Variants in ARHGAP24 observed in about 807,000 individuals in gnomAD.
The protein encoded by ARHGAP24 is rho GTPase-activating protein 24.
Under a neutral mutation model 76.4 loss-of-function variants are expected in ARHGAP24, and 50 were observed. That is an observed-to-expected ratio of 0.65 (90% confidence interval 0.52 to 0.83). ARHGAP24 has a LOEUF of 0.83. Among genes scored for constraint, ARHGAP24 ranks in the 40% least tolerant of loss-of-function variants. The pLI, the probability that ARHGAP24 is intolerant of heterozygous loss-of-function variation, is 0.00. For synonymous variants in ARHGAP24, 345 were observed against 323.3 expected (o/e 1.07, Z -0.72); for missense variants, 930 against 914.2 (o/e 1.02, Z -0.22).
chr4:85,974,151 C>T (rs937943631), intron 6 of ARHGAP24, among the ~76,000 whole-genome samples: 4 of 151,888 alleles, frequency 2.6e-5, no homozygotes, highest in Admixed American at 1.3e-4. Flanking sequence ...CCAATGCACC[C>T]GGCCTAACTG....
intron 3 of ARHGAP24, among the ~76,000 whole-genome samples, chr4:85,859,604 C>G (rs573764090): frequency 6.6e-6 from 1 of 152,192 alleles, no homozygotes; most frequent in South Asian, 2.1e-4. Context: ...ATATTTAGGT[C>G]TGAGTATCTC....
intron 3 of ARHGAP24, among the ~76,000 whole-genome samples, chr4:85,832,068 G>A (rs867339880): frequency 6.6e-6 from 1 of 152,164 alleles, no homozygotes; most frequent in East Asian, 1.9e-4. Flanking sequence ...AAGAAGAGAG[G>A]GGCAGGCCAC....
chr4:85,741,171 T>C (rs1725809362), intron 3 of ARHGAP24, among the ~76,000 whole-genome samples: 1 of 152,158 alleles, frequency 6.6e-6, no homozygotes, highest in African/African-American at 2.4e-5. Flanking sequence ...CAGGAGGTTT[T>C]CCTTCCTTCG....
chr4:85,587,988 G>A (rs1418559740), intron 2 of ARHGAP24, among the ~76,000 whole-genome samples: 1 of 152,106 alleles, frequency 6.6e-6, no homozygotes, highest in Non-Finnish European at 1.5e-5. Flanking sequence ...AGGAAGGGAA[G>A]GTCACATTTA....
intron 3 of ARHGAP24, among the ~76,000 whole-genome samples, chr4:85,734,568 G>C (rs910896108): frequency 6.6e-6 from 1 of 151,442 alleles, no homozygotes; most frequent in Non-Finnish European, 1.5e-5. Context: ...CAGGAGCAAG[G>C]GGTGTCAAGG....
At chr4:85,767,639 C>G (rs930309120) in intron 3 of ARHGAP24, among the ~76,000 whole-genome samples, 2 of 121,342 alleles carry the variant, frequency 1.6e-5, no homozygotes, top group African/African-American at 6.3e-5. Context: ...ATAGATTACC[C>G]CAAAGGGGCA....
intron 9 of ARHGAP24, among the ~76,000 whole-genome samples, chr4:85,997,371 TATA>T (rs56998990): frequency 2.7e-4 from 40 of 147,640 alleles, no homozygotes; most frequent in Middle Eastern, 3.4e-3. Flanking sequence ...AGATGATAGA[TATA>T]GATAGATAGA....
At chr4:85,822,969 A>G (rs1239798338) in intron 3 of ARHGAP24, among the ~76,000 whole-genome samples, 3 of 152,354 alleles carry the variant, frequency 2.0e-5, no homozygotes, top group Middle Eastern at 6.8e-3. Context: ...AGTAATGGTA[A>G]TAACATGTCT....
intron 1 of ARHGAP24, among the ~76,000 whole-genome samples, chr4:85,531,611 C>T (rs1017013401): frequency 1.3e-5 from 2 of 152,076 alleles, no homozygotes; most frequent in African/African-American, 4.8e-5. Flanking sequence ...ACTGGTATTT[C>T]AGTGATCTGT....
At chr4:85,552,737 G>A (rs1726191655) in intron 1 of ARHGAP24, among the ~76,000 whole-genome samples, 1 of 152,100 alleles carries the variant, frequency 6.6e-6, no homozygotes, top group South Asian at 2.1e-4. Flanking sequence ...GGATAGTCAG[G>A]TATTATTGAA....
At chr4:85,560,027 G>T (rs982050625) in intron 1 of ARHGAP24, among the ~76,000 whole-genome samples, 1 of 152,114 alleles carries the variant, frequency 6.6e-6, no homozygotes, top group African/African-American at 2.4e-5. Context: ...ACTGGATTGA[G>T]ATGGCATCTG....
chr4:85,894,989 CAAAACAAAAAGCAA>C (rs1734079344), intron 3 of ARHGAP24, among the ~76,000 whole-genome samples: 1 of 17,218 alleles, frequency 5.8e-5, no homozygotes, highest in Admixed American at 7.0e-4. Context: ...AAAAAAAAAA[CAAAACAAAAAGCAA>C]AAAAAAAAAA....
At chr4:85,628,256 G>A (rs945185722) in intron 2 of ARHGAP24, among the ~76,000 whole-genome samples, 2 of 152,078 alleles carry the variant, frequency 1.3e-5, no homozygotes, top group Admixed American at 6.6e-5. Context: ...TGATTGTTCA[G>A]GAGCATGTTG....
At chr4:85,484,927 T>C (rs1008449187) in intron 1 of ARHGAP24, among the ~76,000 whole-genome samples, 1 of 152,134 alleles carries the variant, frequency 6.6e-6, no homozygotes, top group Non-Finnish European at 1.5e-5. Context: ...TACTGTTGTA[T>C]TTGGTTTATG....
intron 1 of ARHGAP24, among the ~76,000 whole-genome samples, chr4:85,489,665 T>C (rs1723281704): frequency 6.6e-6 from 1 of 152,148 alleles, no homozygotes; most frequent in Non-Finnish European, 1.5e-5. Flanking sequence ...TAGGATGTGG[T>C]CTCAGAAACA....
intron 1 of ARHGAP24, among the ~76,000 whole-genome samples, chr4:85,529,194 CAGAA>C (rs1424562109): frequency 2.0e-5 from 3 of 152,002 alleles, no homozygotes; most frequent in South Asian, 2.1e-4. Context: ...AATTTCTTCC[CAGAA>C]AGAGTCTATG....
At chr4:85,650,702 C>G (rs567341683) in intron 2 of ARHGAP24, among the ~76,000 whole-genome samples, 1 of 149,332 alleles carries the variant, frequency 6.7e-6, no homozygotes, top group Admixed American at 6.6e-5. Context: ...TCCCTATACT[C>G]TATATATTTA....
intron 2 of ARHGAP24, among the ~76,000 whole-genome samples, chr4:85,681,990 G>A (rs1267068735): frequency 6.6e-6 from 1 of 152,004 alleles, no homozygotes; most frequent in Non-Finnish European, 1.5e-5. Flanking sequence ...TTTTACAGAT[G>A]AAGAAACAGG....
At position 85,728,837 on chromosome 4, in the gene ARHGAP24, T is replaced by C. The variant is rs138443294; in HGVS notation, c.268+6865T>C. ...AAAAGTTTACCATACATGTCTGCAT[T>C]TGTGACTCCTTCTGGGTTGAATAAA... is the stretch of plus-strand genomic sequence containing the variant. On this transcript the variant is annotated intron_variant, in intron 3 of 9. Coordinates refer to ENST00000395184, the MANE Select transcript of ARHGAP24 (RefSeq NM_001025616.3). Among the ~76,000 whole-genome samples, 378 of 152,344 alleles carry C rather than the reference T, an allele frequency of 2.5e-3. 2 individuals carry two copies. The highest frequency in any genetic ancestry group is 8.7e-3 in the African/African-American group (362 of 41,588).
Sources: gnomAD v4.1 joint callset for allele counts (sites outside exome capture counted in the v4.1 genomes callset) on GRCh38, gnomAD v4.1.1 for gene constraint, MANE v1.5 for transcripts, NCBI Gene and HGNC (gene_info 2026-07-23, HGNC 2026-07-21) for gene names.